Variants in LARGE1 observed in about 807,000 individuals in gnomAD.
LARGE1 encodes the protein LARGE xylosyl- and glucuronyltransferase 1.
A neutral mutation model predicts 87.6 loss-of-function variants in LARGE1; 43 were observed. The observed-to-expected ratio is 0.49, with a 90% CI of 0.38 to 0.63. LARGE1 has a LOEUF of 0.63. LARGE1 is among the 30% of genes least tolerant of loss of function. The pLI is 0.00. For missense variants in LARGE1, 802 were observed against 1,000.2 expected (o/e 0.80, Z 2.67); for synonymous variants, 434 against 394.6 (o/e 1.10, Z -1.18).
chr22:33,899,638 C>T (rs1224835703), intron 1 of LARGE1, among the ~76,000 whole-genome samples: 1 of 152,196 alleles, frequency 6.6e-6, no homozygotes, highest in Non-Finnish European at 1.5e-5. Context: ...CACCCGCCCC[C>T]TCACTGTGCC....
intron 10 of LARGE1, among the ~76,000 whole-genome samples, chr22:33,328,306 C>T (rs1475792653): frequency 2.6e-5 from 4 of 152,106 alleles, no homozygotes; most frequent in African/African-American, 4.8e-5. Context: ...ATGGAGATAA[C>T]AGCAGTGGCT....
chr22:33,909,151 G>A (rs555404212), intron 1 of LARGE1, among the ~76,000 whole-genome samples: 9 of 152,260 alleles, frequency 5.9e-5, no homozygotes, highest in African/African-American at 2.2e-4. Context: ...AAGACTTGCT[G>A]CTTGTGTCAC....
chr22:33,742,573 G>A (rs1012612091), intron 2 of LARGE1, among the ~76,000 whole-genome samples: 2 of 152,174 alleles, frequency 1.3e-5, no homozygotes, highest in Non-Finnish European at 1.5e-5. Flanking sequence ...CCAGCAAGTC[G>A]CAGCATCAGA....
intron 1 of LARGE1, among the ~76,000 whole-genome samples, chr22:33,916,712 A>T (rs1262991850): frequency 3.9e-5 from 6 of 152,102 alleles, no homozygotes; most frequent in African/African-American, 1.4e-4. Context: ...AGCCAAAAAG[A>T]CACCTTCATC....
the LARGE1 span, among the ~76,000 whole-genome samples, chr22:33,066,945 C>T: frequency 6.6e-6 from 1 of 152,092 alleles, no homozygotes; most frequent in Non-Finnish European, 1.5e-5. Context: ...CACACTGATG[C>T]TTCCAGTCCT....
intron 11 of LARGE1, among the ~76,000 whole-genome samples, chr22:33,193,080 A>ATG (rs144472100): frequency 1.0e-4 from 15 of 150,140 alleles, no homozygotes; most frequent in South Asian, 2.1e-4. Flanking sequence ...TCTGTTTATG[A>ATG]TGTGTGTGTG....
chr22:33,269,801 C>G (rs1008535317), downstream of LARGE1, among the ~76,000 whole-genome samples: 13 of 151,988 alleles, frequency 8.6e-5, no homozygotes, highest in Admixed American at 7.9e-4. Context: ...GTCAGGAGAT[C>G]GAGACCATCC....
chr22:33,390,471 C>T (rs1246417537), intron 7 of LARGE1, among the ~76,000 whole-genome samples: 1 of 152,164 alleles, frequency 6.6e-6, no homozygotes, highest in East Asian at 1.9e-4. Flanking sequence ...AGACCCTGTG[C>T]TTCCTGTGCC....
At chr22:33,802,007 GA>G (rs1047912680) in intron 1 of LARGE1, among the ~76,000 whole-genome samples, 12 of 148,866 alleles carry the variant, frequency 8.1e-5, no homozygotes, top group African/African-American at 2.9e-4. Flanking sequence ...AAAGTCCTCT[GA>G]AAAAATGCCT....
intron 2 of LARGE1, among the ~76,000 whole-genome samples, chr22:33,708,589 C>T (rs1243627962): frequency 1.3e-5 from 2 of 152,062 alleles, no homozygotes; most frequent in Non-Finnish European, 2.9e-5. Context: ...AAAGTGTTGG[C>T]AGGGTTTGTT....
chr22:33,811,675 A>G (rs1302048486), intron 1 of LARGE1, among the ~76,000 whole-genome samples: 1 of 152,232 alleles, frequency 6.6e-6, no homozygotes, highest in Admixed American at 6.5e-5. Flanking sequence ...CCAACTGGGA[A>G]CAGCTTTATT....
At chr22:33,647,834 T>A (rs1233218038) in intron 3 of LARGE1, among the ~76,000 whole-genome samples, 1 of 152,138 alleles carries the variant, frequency 6.6e-6, no homozygotes, top group Non-Finnish European at 1.5e-5. Flanking sequence ...CTCGGCTCAC[T>A]GCAATCTCCA....
At chr22:33,725,190 A>C (rs1337089653) in intron 2 of LARGE1, 12 of 152,942 alleles carry the variant, frequency 7.8e-5, no homozygotes, top group Non-Finnish European at 2.9e-5. Flanking sequence ...TGGAAAGGCC[A>C]GCGGTCAGGT....
the LARGE1 span, among the ~76,000 whole-genome samples, chr22:33,145,465 G>A: frequency 6.6e-6 from 1 of 152,182 alleles, no homozygotes. Flanking sequence ...ATGCTGTCAA[G>A]GTGGGTCTCA....
At chr22:33,145,556 G>A in the LARGE1 span, among the ~76,000 whole-genome samples, 1 of 152,200 alleles carries the variant, frequency 6.6e-6, no homozygotes, top group Non-Finnish European at 1.5e-5. Flanking sequence ...CCATCACACA[G>A]CTGAGAAATG....
At chr22:33,421,234 CAAT>C (rs2066686077) in intron 7 of LARGE1, among the ~76,000 whole-genome samples, 1 of 148,206 alleles carries the variant, frequency 6.7e-6, no homozygotes, top group African/African-American at 2.5e-5. Flanking sequence ...ATCAATCAAT[CAAT>C]CAATCAATAA....
At chr22:33,357,546 G>A (rs1458207565) in intron 9 of LARGE1, among the ~76,000 whole-genome samples, 2 of 152,130 alleles carry the variant, frequency 1.3e-5, no homozygotes, top group African/African-American at 4.8e-5. Flanking sequence ...TGTAATCCCA[G>A]CACTTTGGGA....
chr22:33,814,173 A>G (rs2086582098), intron 1 of LARGE1, among the ~76,000 whole-genome samples: 1 of 152,178 alleles, frequency 6.6e-6, no homozygotes, highest in South Asian at 2.1e-4. Flanking sequence ...AAGAAAGGCT[A>G]GTCAGATGGA....
downstream of LARGE1, among the ~76,000 whole-genome samples, chr22:33,159,977 A>C (rs1921970800): frequency 6.6e-6 from 1 of 152,054 alleles, no homozygotes; most frequent in Non-Finnish European, 1.5e-5. Flanking sequence ...AAACAAAATA[A>C]CTTATGCACT....
Sources: allele counts gnomAD v4.1 joint callset (sites outside exome capture counted in the v4.1 genomes callset), GRCh38; gene constraint gnomAD v4.1.1; transcripts MANE v1.5; gene names NCBI Gene and HGNC (gene_info 2026-07-23, HGNC 2026-07-21).